The following DIAPH2 variants were observed in gnomAD, a reference collection of about 807,000 sequenced individuals.
The protein encoded by DIAPH2 is diaphanous related formin 2, also known as protein diaphanous homolog 2.
DIAPH2 carries 35 observed loss-of-function variants against 92.7 expected under a neutral mutation model. That is an observed-to-expected ratio of 0.38 (90% CI 0.29 to 0.50). DIAPH2 has a LOEUF of 0.50. Ranked by LOEUF, DIAPH2 falls within the 20% of genes least tolerant of loss-of-function variation. DIAPH2 has a pLI of 0.94. For synonymous variants in DIAPH2, 301 were observed against 280.4 expected (o/e 1.07, Z -0.73); for missense variants, 701 against 819.5 (o/e 0.86, Z 1.77).
chrX:97,161,584 G>A (rs1189192152), intron 22 of DIAPH2, among the ~76,000 whole-genome samples: 2 of 110,812 alleles, frequency 1.8e-5, no homozygotes, highest in Non-Finnish European at 3.8e-5. Flanking sequence ...TGTATTTTTG[G>A]TGGAGAAGGG....
intron 4 of DIAPH2, among the ~76,000 whole-genome samples, chrX:96,866,129 G>A (rs35970271): frequency 0.24 from 26,835 of 110,530 alleles, 2,568 homozygotes; most frequent in East Asian, 0.36. Context: ...AATATAATTT[G>A]TGACTAGACG....
chrX:96,709,255 C>G (rs185063655), intron 1 of DIAPH2, among the ~76,000 whole-genome samples: 1 of 111,857 alleles, frequency 8.9e-6, no homozygotes, highest in East Asian at 2.8e-4. Context: ...GTTCCCAAAC[C>G]TATATATGCC....
intron 5 of DIAPH2, chrX:96,885,344 C>T (rs928057000): frequency 1.6e-5 from 4 of 252,083 alleles, no homozygotes; most frequent in African/African-American, 6.1e-5. Context: ...ACATGATTTT[C>T]GGGGAAGAAA....
intron 26 of DIAPH2, among the ~76,000 whole-genome samples, chrX:97,538,178 C>T (rs1602656183): frequency 1.8e-5 from 2 of 111,264 alleles, no homozygotes; most frequent in East Asian, 2.8e-4. Flanking sequence ...GCCACCGCGC[C>T]CAGCCAAGAC....
chrX:96,710,260 C>T (rs754481315), intron 1 of DIAPH2, among the ~76,000 whole-genome samples: 2 of 111,749 alleles, frequency 1.8e-5, no homozygotes, highest in Non-Finnish European at 3.8e-5. Context: ...GATAAACTGT[C>T]ATTCAGTGAG....
intron 24 of DIAPH2, among the ~76,000 whole-genome samples, chrX:97,372,878 G>C (rs2069461667): frequency 9.0e-6 from 1 of 110,840 alleles, no homozygotes; most frequent in African/African-American, 3.3e-5. Context: ...TCAGGAGGCT[G>C]AGGCAGGAGA....
At position 97,481,981 on chromosome X, in the gene DIAPH2, T is replaced by C. The variant is rs571507995; in HGVS notation, c.3241+52236T>C. ...CTTGCCTGCCATTTTCAAGTGATGTTACTGCTTTGAACTCATTTTTTAAAG... is the reference window on the plus strand; with the variant it reads ...CTTGCCTGCCATTTTCAAGTGATGTCACTGCTTTGAACTCATTTTTTAAAG... On this transcript the variant is annotated intron_variant, in intron 26 of 26. Coordinates refer to ENST00000324765, the MANE Select transcript of DIAPH2 (RefSeq NM_006729.5). 2.8e-4 allele frequency among the ~76,000 whole-genome samples: 32 copies of C among 112,347 alleles called. 1 individual carries two copies. Among genetic ancestry groups the C allele is most frequent in the East Asian group, 8.4e-4 (3 of 3,575 alleles).
At chrX:97,076,702 A>G (rs1326550335) in intron 19 of DIAPH2, among the ~76,000 whole-genome samples, 2 of 111,987 alleles carry the variant, frequency 1.8e-5, no homozygotes, top group African/African-American at 6.5e-5. Context: ...TTTGGATTGT[A>G]GGCTTACATT....
At chrX:97,113,435 A>T (rs1481737789) in intron 20 of DIAPH2, among the ~76,000 whole-genome samples, 2 of 111,956 alleles carry the variant, frequency 1.8e-5, no homozygotes, top group East Asian at 5.6e-4. Flanking sequence ...ACCAGATAAA[A>T]AAAAGTGAGT....
At chrX:96,830,172 A>G (rs1473643532) in intron 4 of DIAPH2, among the ~76,000 whole-genome samples, 2 of 112,049 alleles carry the variant, frequency 1.8e-5, no homozygotes, top group African/African-American at 3.2e-5. Context: ...ATTTAATTTG[A>G]TAAAAGGATC....
chrX:96,743,896 A>G (rs2064134286), intron 3 of DIAPH2, among the ~76,000 whole-genome samples: 1 of 112,255 alleles, frequency 8.9e-6, no homozygotes, highest in Non-Finnish European at 1.9e-5. Context: ...AGCTAGATTT[A>G]GTCATCCCAC....
chrX:96,960,404 C>G (rs1005805935), intron 16 of DIAPH2, among the ~76,000 whole-genome samples: 4 of 109,337 alleles, frequency 3.7e-5, no homozygotes, highest in Non-Finnish European at 7.6e-5. Context: ...TTTTTTCCAG[C>G]AAGTTTATTG....
At chrX:97,384,759 A>G (rs1472302635) in intron 25 of DIAPH2, among the ~76,000 whole-genome samples, 2 of 110,286 alleles carry the variant, frequency 1.8e-5, no homozygotes, top group East Asian at 2.8e-4. Flanking sequence ...CCAGCTGCCC[A>G]GGAGGCTGAG....
intron 4 of DIAPH2, among the ~76,000 whole-genome samples, chrX:96,850,563 T>C (rs957554116): frequency 8.9e-6 from 1 of 112,196 alleles, no homozygotes; most frequent in African/African-American, 3.2e-5. Flanking sequence ...ATAGCCATTG[T>C]GTGAGACTTT....
At chrX:96,997,447 G>T (rs1385325205) in intron 17 of DIAPH2, among the ~76,000 whole-genome samples, 1 of 111,115 alleles carries the variant, frequency 9.0e-6, no homozygotes, top group Non-Finnish European at 1.9e-5. Context: ...ATCGTGCTCC[G>T]TGGTAAAAAT....
At chrX:96,815,394 T>G (rs1336508214) in intron 4 of DIAPH2, among the ~76,000 whole-genome samples, 1 of 111,676 alleles carries the variant, frequency 9.0e-6, no homozygotes, top group Non-Finnish European at 1.9e-5. Context: ...AGCACAGTAT[T>G]TGGGCCAGAG....
chrX:97,160,339 T>C (rs745555252), intron 22 of DIAPH2, among the ~76,000 whole-genome samples: 240 of 112,290 alleles, frequency 2.1e-3, no homozygotes, highest in Non-Finnish European at 3.6e-3. Flanking sequence ...GAACAGAGAA[T>C]CTTGTGACAA....
At chrX:97,338,886 A>G (rs1183802264) in intron 23 of DIAPH2, among the ~76,000 whole-genome samples, 1 of 111,886 alleles carries the variant, frequency 8.9e-6, no homozygotes, top group Non-Finnish European at 1.9e-5. Flanking sequence ...TGATGAAGTG[A>G]TCCTACTTTA....
rs570300596 is a variant in DIAPH2, at chrX:96,871,178, A to G, written c.448-10401A>G. Among the ~76,000 whole-genome samples the G allele has an allele frequency of 5.4e-5, 6 of 111,485 alleles. No individual in the cohort carries two copies. The South Asian group carries it at 1.9e-3, about 35-fold the overall frequency. ...CATACATGAACTTTCTTTATTTAAA[A>G]TGGTAGTGGGCCGGGCGCAGTGGCT... On this transcript the variant is annotated intron_variant, in intron 4 of 26. Coordinates refer to ENST00000324765, the MANE Select transcript of DIAPH2 (RefSeq NM_006729.5).
Sources: allele counts gnomAD v4.1 joint callset (sites outside exome capture counted in the v4.1 genomes callset), GRCh38; gene constraint gnomAD v4.1.1; transcripts MANE v1.5; gene names NCBI Gene and HGNC (gene_info 2026-07-23, HGNC 2026-07-21).